Variants in GJC3 observed in about 807,000 individuals in gnomAD.
GJC3 encodes the protein gap junction protein gamma 3.
In GJC3, 17 loss-of-function variants were observed where a neutral mutation model predicts 19.8. That is an observed-to-expected ratio of 0.86 (90% CI 0.59 to 1.29). GJC3 has a LOEUF of 1.29. Among genes scored for constraint, GJC3 ranks in the 50% most tolerant of loss-of-function variants. GJC3 has a pLI of 0.00. For missense variants in GJC3, 317 were observed against 332.5 expected (o/e 0.95, Z 0.36); for synonymous variants, 140 against 136.5 (o/e 1.03, Z -0.18).
chr7:99,929,305 A>G lies in GJC3; in HGVS notation c.316T>C (p.Ser106Pro), dbSNP rs1819859429. ...LYHVIWHWEL[S>P]GKGKEEETLI... ...GTCTCCTCCTCCTTCCCCTTTCCTG[A>G]TAATTCCCAGTGCCAGATCACGTGA... The change falls in exon 1 of 2, where the codon TCA becomes CCA. Residue 106 changes from serine to proline, a missense_variant. Coordinates refer to ENST00000312891, the MANE Select transcript of GJC3 (RefSeq NM_181538.3). 1.2e-6 allele frequency: 2 copies of G among 1,614,104 alleles called. No homozygotes were observed. Among genetic ancestry groups the G allele is most frequent in the African/African-American group, 1.3e-5 (1 of 75,010 alleles).
At chr7:99,925,392 T>A (rs1245096395) in intron 1 of GJC3, among the ~76,000 whole-genome samples, 2 of 152,054 alleles carry the variant, frequency 1.3e-5, no homozygotes, top group Non-Finnish European at 2.9e-5. Flanking sequence ...AAAAATTAAC[T>A]CAAAACCAAC....
Position 99,923,420 on chromosome 7 carries a change from C to T in GJC3, c.*125G>A, listed in dbSNP as rs1241580631. 1.0e-5 allele frequency: 8 copies of T among 764,692 alleles called. No homozygotes were observed. Among genetic ancestry groups the T allele is most frequent in the Non-Finnish European group, 1.2e-5 (5 of 412,140 alleles). The allele number at this position is 764,692 out of a possible 1,614,324, so 47.4% of individuals were successfully genotyped here. A position where few individuals can be genotyped will look rare whatever the true frequency, so the allele number is the denominator to read the frequency against. On this transcript the variant is annotated 3_prime_UTR_variant, in exon 2 of 2. Coordinates refer to ENST00000312891, the MANE Select transcript of GJC3 (RefSeq NM_181538.3). Reference sequence around the variant, plus strand: ...GTATGTAGAGGTGGAGTCAAGGCAGCGCAGTCCCAGTTGTCGGTTATGCTG... The same window carrying T: ...GTATGTAGAGGTGGAGTCAAGGCAGTGCAGTCCCAGTTGTCGGTTATGCTG...
chr7:99,926,316 AGAGT>A (rs1016500191), intron 1 of GJC3, among the ~76,000 whole-genome samples: 1 of 151,436 alleles, frequency 6.6e-6, no homozygotes, highest in African/African-American at 2.4e-5. Context: ...TCTGGGTGAC[AGAGT>A]GAGACTCCAT....
chr7:99,927,688 A>C (rs1819831290), intron 1 of GJC3, among the ~76,000 whole-genome samples: 1 of 151,840 alleles, frequency 6.6e-6, no homozygotes. Context: ...TGACTAAGAG[A>C]CTCGAGAAGA....
chr7:99,923,760 T>C (rs1055557266), intron 1 of GJC3, among the ~76,000 whole-genome samples, 157 bp from the exon 2 acceptor site: 1 of 152,192 alleles, frequency 6.6e-6, no homozygotes. Flanking sequence ...TGAACTGACA[T>C]TGGAACCACA....
intron 1 of GJC3, 144 bp downstream of exon 1, chr7:99,928,696 G>A (rs997931530): frequency 1.1e-4 from 78 of 735,326 alleles, no homozygotes; most frequent in South Asian, 1.9e-4. Context: ...TGGGAGTGGC[G>A]GTCAGAACAC....
At chr7:99,926,063 G>A (rs925317394) in intron 1 of GJC3, among the ~76,000 whole-genome samples, 2 of 152,336 alleles carry the variant, frequency 1.3e-5, no homozygotes, top group South Asian at 4.1e-4. Context: ...GCCAGGTGTG[G>A]TGGCTCAGGA....
rs1819848659 is a variant in GJC3, at chr7:99,928,892, T to C, written c.729A>G (p.Lys243=). ...CCACCACTGGGAGGCTATCGGTTGC[T>C]TTCTTGTGTCTTCTGGTGCTCTCTG... ...LTSESTRRHK[K]ATDSLPVVET... The change falls in exon 1 of 2, where the codon AAA becomes AAG. Residue 243 remains lysine (K), a synonymous_variant. Transcript: ENST00000312891. The C allele has an allele frequency of 6.2e-7, 1 of 1,614,200 alleles. No individual in the cohort carries two copies. The highest frequency in any genetic ancestry group is 8.5e-7 in the Non-Finnish European group (1 of 1,180,026).
intron 1 of GJC3, 69 bp downstream of exon 1, chr7:99,928,771 G>T: frequency 6.8e-7 from 1 of 1,468,246 alleles, no homozygotes; most frequent in Middle Eastern, 1.8e-4. Context: ...GAAAGGTGAG[G>T]GACCTGCCCC....
chr7:99,925,777 A>C (rs1819787577), intron 1 of GJC3, among the ~76,000 whole-genome samples: 1 of 152,252 alleles, frequency 6.6e-6, no homozygotes, highest in Non-Finnish European at 1.5e-5. Flanking sequence ...AAGCACATGG[A>C]AAATGTTCAA....
rs780618080 is a variant in GJC3 at position 99,929,482 on chromosome 7, C to T, written c.139G>A (p.Glu47Lys). The T allele has an allele frequency of 4.3e-6, 7 of 1,614,104 alleles. No homozygotes were observed. In the South Asian group the frequency reaches 6.6e-5, roughly 15 times the overall value. The change falls in exon 1 of 2, where the codon GAG becomes AAG. Residue 47 changes from glutamate (E) to lysine (K), a missense_variant. Transcript: ENST00000312891. ...GTGTGACACACGAATTCACTCTGCT[C>T]ATCACCATAGACTCCAGGCCCACTG... is the stretch of plus-strand genomic sequence containing the variant. ...AASGPGVYGD[E>K]QSEFVCHTQQ...
At chr7:99,930,735 C>T (rs1819883330), upstream of GJC3, among the ~76,000 whole-genome samples, 1 of 152,198 alleles carries the variant, frequency 6.6e-6, no homozygotes, top group Non-Finnish European at 1.5e-5. Context: ...TCACTTTCTA[C>T]AGTTTCAGTT....
chr7:99,925,009 C>T (rs1819762963), intron 1 of GJC3, among the ~76,000 whole-genome samples: 1 of 151,614 alleles, frequency 6.6e-6, no homozygotes, highest in Admixed American at 6.6e-5. Context: ...CTGATGATTA[C>T]CAAGGATGGG....
chr7:99,923,443 C>T lies in GJC3; in HGVS notation c.*102G>A, dbSNP rs1018013104. ...AGCGCAGTCCCAGTTGTCGGTTATGCTGCTACATATGTCACATGTATAGAA... is the reference window on the plus strand; with the variant it reads ...AGCGCAGTCCCAGTTGTCGGTTATGTTGCTACATATGTCACATGTATAGAA... On this transcript the variant is annotated 3_prime_UTR_variant, in exon 2 of 2. Coordinates refer to ENST00000312891, the MANE Select transcript of GJC3 (RefSeq NM_181538.3). 2.6e-6 allele frequency: 2 copies of T among 776,154 alleles called. No individual in the cohort carries two copies. The highest frequency in any genetic ancestry group is 2.4e-6 in the Non-Finnish European group (1 of 416,966). The allele number at this position is 776,154 out of a possible 1,614,324, so 48.1% of individuals were successfully genotyped here.
In GJC3 at chr7:99,923,298, A is replaced by G; in HGVS notation, c.*247T>C. The G allele has an allele frequency of 1.8e-6, 1 of 546,986 alleles. No individual in the cohort carries two copies. The highest frequency in any genetic ancestry group is 2.0e-5 in the South Asian group (1 of 48,920). The allele number at this position is 546,986 out of a possible 1,614,324, so 33.9% of individuals were successfully genotyped here. On this transcript the variant is annotated 3_prime_UTR_variant, in exon 2 of 2. Coordinates refer to ENST00000312891, the MANE Select transcript of GJC3 (RefSeq NM_181538.3). The stretch of plus-strand genomic sequence containing the variant: ...TCCCAGGGGGATTTTATTACTTGCG[A>G]TAAGTAAGGAGGACACTGGGAATAA...
intron 1 of GJC3, among the ~76,000 whole-genome samples, chr7:99,924,561 A>G (rs955955508): frequency 6.6e-5 from 10 of 152,226 alleles, no homozygotes; most frequent in African/African-American, 2.2e-4. Flanking sequence ...AGCCTGGGCG[A>G]TGAGCAAAAT....
chr7:99,929,739 C>T (rs1819870142), upstream of GJC3: 1 of 894,810 alleles, frequency 1.1e-6, no homozygotes, highest in South Asian at 1.4e-5. Context: ...TTATTCCTCT[C>T]CAAGTATCTG....
intron 1 of GJC3, among the ~76,000 whole-genome samples, chr7:99,927,263 G>A (rs1430364525): frequency 3.3e-5 from 5 of 152,232 alleles, no homozygotes; most frequent in African/African-American, 1.2e-4. Flanking sequence ...GCGTGAAACA[G>A]CCTTAGGTTC....
chr7:99,924,271 T>C (rs1442647458), intron 1 of GJC3, among the ~76,000 whole-genome samples: 1 of 152,176 alleles, frequency 6.6e-6, no homozygotes, highest in Non-Finnish European at 1.5e-5. Context: ...TAGTGGGAAG[T>C]CACTATGTGC....
Sources: gnomAD v4.1 joint callset for allele counts (sites outside exome capture counted in the v4.1 genomes callset) on GRCh38, gnomAD v4.1.1 for gene constraint, MANE v1.5 for transcripts, NCBI Gene and HGNC (gene_info 2026-07-23, HGNC 2026-07-21) for gene names.